CAPS2: variants seen among roughly 807,000 people sequenced by gnomAD.
CAPS2 encodes the protein calcyphosin-2.
A neutral mutation model predicts 86.5 loss-of-function variants in CAPS2; 98 were observed. That is an observed-to-expected ratio of 1.13 (90% confidence interval 0.96 to 1.34). The LOEUF (loss-of-function observed/expected upper bound fraction) is 1.34, where lower values mean the gene tolerates loss of function less well. Among genes scored for constraint, CAPS2 ranks in the 40% most tolerant of loss-of-function variants. CAPS2 has a pLI of 0.00. For missense variants in CAPS2, 729 were observed against 686.8 expected (o/e 1.06, Z -0.69); for synonymous variants, 210 against 225.1 (o/e 0.93, Z 0.60).
intron 1 of CAPS2, chr12:75,370,299 T>C: frequency 1.7e-6 from 1 of 574,640 alleles, no homozygotes; most frequent in South Asian, 2.5e-5. Flanking sequence ...GATACCTAAA[T>C]TTAATGTTTG....
At chr12:75,349,450 A>C (rs1204013819) in intron 1 of CAPS2, among the ~76,000 whole-genome samples, 2 of 152,224 alleles carry the variant, frequency 1.3e-5, no homozygotes, top group African/African-American at 4.8e-5. Context: ...TCTGGCATCT[A>C]ATGAAATATT....
chr12:75,372,140 G>A (rs2044400384), intron 1 of CAPS2, among the ~76,000 whole-genome samples: 1 of 152,218 alleles, frequency 6.6e-6, no homozygotes, highest in Non-Finnish European at 1.5e-5. Flanking sequence ...TCAGCCTTCC[G>A]AGTAGCTGGG....
chr12:75,297,007 T>C (rs6582285), intron 11 of CAPS2, among the ~76,000 whole-genome samples: 42,787 of 152,180 alleles, frequency 0.28, 7,368 homozygotes, highest in East Asian at 0.42. Context: ...GAGCATCACA[T>C]ATGTGGTTTA....
chr12:75,329,851 A>C (rs2139143395), upstream of CAPS2: 1 of 1,545,158 alleles, frequency 6.5e-7, no homozygotes, highest in East Asian at 2.5e-5. Flanking sequence ...AGCAGAAGGA[A>C]TTCCCCATCC....
chr12:75,331,747 T>G (rs1185505454), upstream of CAPS2, among the ~76,000 whole-genome samples: 1 of 151,888 alleles, frequency 6.6e-6, no homozygotes, highest in Non-Finnish European at 1.5e-5. Flanking sequence ...GTATTTTTAG[T>G]AGAGACAGGG....
At position 75,277,991 on chromosome 12, in the gene CAPS2, T is replaced by C. The variant is rs879133713; in HGVS notation, c.*899A>G. The C allele has an allele frequency of 1.7e-5, 15 of 889,520 alleles. No homozygotes were observed. In the South Asian group the frequency reaches 6.8e-4, roughly 40 times the overall value. 55.1% of individuals were successfully genotyped at this position (889,520 alleles called of 1,614,324 possible). ...AGAATATCATACATTCATTTTAGGA[T>C]ACAAAATATGCTTTCACATTTTAGG... On this transcript the variant is annotated 3_prime_UTR_variant, in exon 17 of 17. Transcript: ENST00000393284.
At chr12:75,278,265 T>C in exon 17 of CAPS2, 1 of 983,042 alleles carries the variant, frequency 1.0e-6, no homozygotes, top group African/African-American at 1.7e-5. Flanking sequence ...AAGACAGATT[T>C]AAAAGACAAG....
intron 16 of CAPS2, among the ~76,000 whole-genome samples, chr12:75,281,107 C>T (rs957047899): frequency 6.6e-6 from 1 of 151,676 alleles, no homozygotes; most frequent in Non-Finnish European, 1.5e-5. Context: ...GTTTTTTTAA[C>T]CCATCAGACT....
chr12:75,317,476 C>T (rs983229180), intron 5 of CAPS2, among the ~76,000 whole-genome samples: 1 of 152,048 alleles, frequency 6.6e-6, no homozygotes, highest in African/African-American at 2.4e-5. Flanking sequence ...GTATTTTGTT[C>T]AGGTTGAAAA....
At chr12:75,306,279 T>C (rs915925595) in intron 7 of CAPS2, 12 of 609,958 alleles carry the variant, frequency 2.0e-5, no homozygotes, top group Middle Eastern at 5.0e-4. Context: ...TTCCGGATAC[T>C]GGGAAGCTAT....
chr12:75,328,239 A>C (rs1258520883), upstream of CAPS2, among the ~76,000 whole-genome samples: 1 of 152,182 alleles, frequency 6.6e-6, no homozygotes, highest in Non-Finnish European at 1.5e-5. Flanking sequence ...ATTTCTGGCT[A>C]ACAAACCCAA....
chr12:75,375,855 C>A (rs1245033397), intron 1 of CAPS2, among the ~76,000 whole-genome samples: 1 of 152,200 alleles, frequency 6.6e-6, no homozygotes, highest in Non-Finnish European at 1.5e-5. Context: ...CCTGCCACCT[C>A]GGGATCCAAT....
intron 14 of CAPS2, among the ~76,000 whole-genome samples, chr12:75,286,870 G>A (rs949040060): frequency 3.3e-5 from 5 of 151,532 alleles, no homozygotes; most frequent in African/African-American, 4.8e-5. Context: ...TTCATAATAT[G>A]TTCCCTCTAT....
chr12:75,366,746 C>T (rs2043990799), intron 1 of CAPS2: 2 of 621,506 alleles, frequency 3.2e-6, no homozygotes, highest in Non-Finnish European at 2.9e-6. Context: ...AGTGTTTTAC[C>T]AATGAGTCAT....
chr12:75,384,056 T>C (rs962746079), intron 1 of CAPS2, among the ~76,000 whole-genome samples: 1 of 152,026 alleles, frequency 6.6e-6, no homozygotes. Context: ...TGAATAAATA[T>C]ATTAGAAAAG....
chr12:75,377,817 G>A (rs2044731114), intron 1 of CAPS2, among the ~76,000 whole-genome samples: 1 of 148,132 alleles, frequency 6.8e-6, no homozygotes, highest in Non-Finnish European at 1.5e-5. Context: ...CAATCAAGTT[G>A]ATACTTAATA....
chr12:75,369,942 C>T (rs1296420226), intron 1 of CAPS2: 32 of 1,204,774 alleles, frequency 2.7e-5, no homozygotes, highest in Non-Finnish European at 3.4e-5. Context: ...ATAATATTAA[C>T]TTTAATTTTT....
chr12:75,278,690 A>G (rs912560895), exon 17 of CAPS2: 34 of 1,269,264 alleles, frequency 2.7e-5, no homozygotes, highest in Non-Finnish European at 3.2e-5. Context: ...ACACTAACAC[A>G]CCCCTACATC....
intron 7 of CAPS2, among the ~76,000 whole-genome samples, chr12:75,308,764 T>G (rs1193977467): frequency 6.6e-6 from 1 of 151,518 alleles, no homozygotes. Context: ...AAGGGGTGAC[T>G]GAGCAAGAAG....
Sources: allele counts gnomAD v4.1 joint callset (sites outside exome capture counted in the v4.1 genomes callset), GRCh38; gene constraint gnomAD v4.1.1; transcripts MANE v1.5; gene names NCBI Gene and HGNC (gene_info 2026-07-23, HGNC 2026-07-21).